The following RHOU variants were observed in gnomAD, a reference collection of about 807,000 sequenced individuals.
RHOU encodes the protein ras homolog family member U.
Under a neutral mutation model 12.6 loss-of-function variants are expected in RHOU, and 8 were observed. The observed-to-expected ratio is 0.64, with a 90% CI of 0.37 to 1.15. The LOEUF (loss-of-function observed/expected upper bound fraction) is 1.15. Among genes scored for constraint, RHOU ranks in the 50% most tolerant of loss-of-function variants. RHOU has a pLI of 0.01. For missense variants in RHOU, 258 were observed against 347.0 expected (o/e 0.74, Z 2.04); for synonymous variants, 161 against 147.4 (o/e 1.09, Z -0.67).
At chr1:228,742,307 A>G (rs1025591592) in intron 2 of RHOU, among the ~76,000 whole-genome samples, 2 of 152,246 alleles carry the variant, frequency 1.3e-5, no homozygotes, top group East Asian at 1.9e-4. Flanking sequence ...TTCACAGCCA[A>G]ATCCCCTCGC....
At chr1:228,716,036 C>T in the RHOU span, among the ~76,000 whole-genome samples, 6 of 151,854 alleles carry the variant, frequency 4.0e-5, no homozygotes, top group Admixed American at 3.9e-4. Context: ...CAGCAGACTC[C>T]CAAGTAGCTG....
chr1:228,743,788 A>G lies in RHOU; in HGVS notation c.*48A>G. The G allele has an allele frequency of 6.5e-7, 1 of 1,526,730 alleles. No homozygotes were observed. Among genetic ancestry groups the G allele is most frequent in the East Asian group, 2.3e-5 (1 of 44,270 alleles). The allele number at this position is 1,526,730 out of a possible 1,614,324, so 94.6% of individuals were successfully genotyped here. The stretch of plus-strand genomic sequence containing the variant: ...GCTATTTTCAGATGAAATCGATATT[A>G]GAAGCTATATTAGCTGAAACAACTC... On this transcript the variant is annotated 3_prime_UTR_variant, in exon 3 of 3. Transcript: ENST00000366691. The surrounding 1 kb of genome is among the most constrained non-coding windows in gnomAD (Gnocchi z 5.1).
chr1:228,703,604 T>C, the RHOU span, among the ~76,000 whole-genome samples: 6 of 152,094 alleles, frequency 3.9e-5, no homozygotes, highest in Non-Finnish European at 8.8e-5. Context: ...GTTTAATAGG[T>C]GGTCTTCTTA....
chr1:228,651,864 A>G, the RHOU span, among the ~76,000 whole-genome samples: 1 of 152,216 alleles, frequency 6.6e-6, no homozygotes, highest in East Asian at 1.9e-4. Context: ...CTAGTCAGGA[A>G]AGTAACCCTA....
the RHOU span, among the ~76,000 whole-genome samples, chr1:228,698,066 AACTG>A: frequency 6.6e-6 from 1 of 152,204 alleles, no homozygotes; most frequent in Non-Finnish European, 1.5e-5. Context: ...GCATAACATA[AACTG>A]ACTATTGTAA....
the RHOU span, among the ~76,000 whole-genome samples, chr1:228,659,965 AC>A: frequency 0.012 from 920 of 73,836 alleles, 28 homozygotes; most frequent in African/African-American, 0.031. Context: ...CAAAAAAAAA[AC>A]AAAAAAAAAA....
At chr1:228,669,225 G>T in the RHOU span, among the ~76,000 whole-genome samples, 1 of 152,196 alleles carries the variant, frequency 6.6e-6, no homozygotes, top group East Asian at 1.9e-4. Context: ...TGCTAGCAGG[G>T]TCCTAGGGCT....
At chr1:228,707,633 A>C in the RHOU span, among the ~76,000 whole-genome samples, 1 of 152,126 alleles carries the variant, frequency 6.6e-6, no homozygotes, top group Non-Finnish European at 1.5e-5. Flanking sequence ...AACAGAAAGG[A>C]CATCCACACC....
chr1:228,685,794 A>C, the RHOU span, among the ~76,000 whole-genome samples: 63 of 152,332 alleles, frequency 4.1e-4, no homozygotes, highest in African/African-American at 1.5e-3. Flanking sequence ...CCTTTAGTGA[A>C]ACCCTTAATC....
rs1662767578 is a variant in RHOU at position 228,743,563 on chromosome 1, C to T, written c.600C>T (p.Tyr200=). The part of the protein sequence containing the change: ...LCAEEIKAAS[Y]IECSALTQKN... Reference sequence around the variant, plus strand: ...CCGAGGAAATCAAAGCCGCCTCCTACATCGAGTGTTCAGCCTTGACTCAAA... The same window carrying T: ...CCGAGGAAATCAAAGCCGCCTCCTATATCGAGTGTTCAGCCTTGACTCAAA... The change falls in exon 3 of 3, where the codon TAC becomes TAT. Residue 200 remains tyrosine, a synonymous_variant. Coordinates refer to ENST00000366691, the MANE Select transcript of RHOU (RefSeq NM_021205.6). This position sits in a 1 kb window ranked among gnomAD's most constrained non-coding sequence, Gnocchi z 5.1. The T allele has an allele frequency of 6.2e-7, 1 of 1,614,198 alleles. No individual in the cohort carries two copies. Among genetic ancestry groups the T allele is most frequent in the Non-Finnish European group, 8.5e-7 (1 of 1,180,042 alleles).
At chr1:228,725,571 C>G in the RHOU span, among the ~76,000 whole-genome samples, 4 of 152,302 alleles carry the variant, frequency 2.6e-5, no homozygotes, top group South Asian at 6.2e-4. Flanking sequence ...GAGCACTTCC[C>G]CAGGGGCTGA....
In RHOU at chr1:228,743,522, G is replaced by T; in HGVS notation, c.559G>T (p.Ala187Ser). The T allele has an allele frequency of 1.2e-6, 2 of 1,614,192 alleles. No individual in the cohort carries two copies. The highest frequency in any genetic ancestry group is 8.5e-7 in the Non-Finnish European group (1 of 1,180,042). The change falls in exon 3 of 3, where the codon GCG becomes TCG. Residue 187 changes from alanine (A) to serine (S), a missense_variant. Physicochemically the swap from Ala to Ser is moderately conservative, Grantham distance 99. Transcript: ENST00000366691. This position sits in a 1 kb window ranked among gnomAD's most constrained non-coding sequence, Gnocchi z 5.1. ...KCKEKPVPEE[A>S]AKLCAEEIKA... The stretch of plus-strand genomic sequence containing the variant: ...CAAAGAAAAGCCAGTGCCTGAAGAG[G>T]CGGCTAAGCTGTGCGCCGAGGAAAT...
At chr1:228,726,254 T>A in the RHOU span, among the ~76,000 whole-genome samples, 464 of 152,346 alleles carry the variant, frequency 3.0e-3, 3 homozygotes, top group African/African-American at 0.011. Flanking sequence ...ACTGTTGTTC[T>A]GTCCAGTGAC....
At chr1:228,654,665 C>T in the RHOU span, among the ~76,000 whole-genome samples, 32 of 152,160 alleles carry the variant, frequency 2.1e-4, no homozygotes, top group Non-Finnish European at 3.1e-4. Context: ...TGAAATTTCA[C>T]GATTGTAGCT....
At chr1:228,699,161 G>A in the RHOU span, among the ~76,000 whole-genome samples, 1 of 151,704 alleles carries the variant, frequency 6.6e-6, no homozygotes, top group African/African-American at 2.4e-5. Context: ...GGCTGGGTAG[G>A]GTGGCTCACA....
the RHOU span, among the ~76,000 whole-genome samples, chr1:228,723,070 C>T: frequency 4.8e-4 from 73 of 152,346 alleles, no homozygotes; most frequent in African/African-American, 1.7e-3. Context: ...TCCCCTCTCC[C>T]TAGTTATCTC....
chr1:228,680,522 A>G, the RHOU span, among the ~76,000 whole-genome samples: 4 of 152,204 alleles, frequency 2.6e-5, no homozygotes, highest in Non-Finnish European at 5.9e-5. Context: ...AAGTAGCTGT[A>G]ACTCAGAAAT....
the RHOU span, among the ~76,000 whole-genome samples, chr1:228,659,062 GA>G: frequency 6.6e-6 from 1 of 151,160 alleles, no homozygotes; most frequent in Non-Finnish European, 1.5e-5. Flanking sequence ...TTTATAGTGT[GA>G]AATGCTTACG....
At chr1:228,725,686 G>A in the RHOU span, among the ~76,000 whole-genome samples, 1 of 152,124 alleles carries the variant, frequency 6.6e-6, no homozygotes, top group African/African-American at 2.4e-5. Flanking sequence ...ACTATAGACA[G>A]CCACAACTAT....
Sources: allele counts gnomAD v4.1 joint callset (sites outside exome capture counted in the v4.1 genomes callset), GRCh38; gene constraint gnomAD v4.1.1; non-coding constraint Gnocchi (gnomAD v3.1); transcripts MANE v1.5; gene names NCBI Gene and HGNC (gene_info 2026-07-23, HGNC 2026-07-21).